The following SORCS3 variants were observed in gnomAD, a reference collection of about 807,000 sequenced individuals.
The protein encoded by SORCS3 is sortilin related VPS10 domain containing receptor 3, also known as VPS10 domain-containing receptor SorCS3.
In SORCS3, 57 loss-of-function variants were observed where a neutral mutation model predicts 146.3. That is an observed-to-expected ratio of 0.39 (90% CI 0.31 to 0.49). The LOEUF is 0.49. Ranked by LOEUF, SORCS3 falls within the 20% of genes least tolerant of loss-of-function variation. The pLI is 0.92. For synonymous variants in SORCS3, 653 were observed against 618.5 expected (o/e 1.06, Z -0.83); for missense variants, 1,341 against 1,575.5 (o/e 0.85, Z 2.52).
intron 3 of SORCS3, among the ~76,000 whole-genome samples, chr10:104,960,114 A>G (rs1367989131): frequency 6.6e-6 from 1 of 152,126 alleles, no homozygotes; most frequent in Admixed American, 6.6e-5. Context: ...ATGTGATACG[A>G]TACTTACTGG....
At chr10:105,069,465 T>C (rs909007237) in intron 5 of SORCS3, among the ~76,000 whole-genome samples, 15 of 152,240 alleles carry the variant, frequency 9.9e-5, no homozygotes, top group African/African-American at 3.1e-4. Flanking sequence ...CTAATGTCGA[T>C]AATAATGCCA....
intron 7 of SORCS3, among the ~76,000 whole-genome samples, chr10:105,122,004 C>T (rs983191780): frequency 2.6e-5 from 4 of 152,214 alleles, no homozygotes; most frequent in East Asian, 3.9e-4. Context: ...ACTGAGTCTC[C>T]CCATTTTCCT....
intron 5 of SORCS3, among the ~76,000 whole-genome samples, chr10:105,069,974 T>C (rs1314378645): frequency 6.6e-6 from 1 of 152,156 alleles, no homozygotes; most frequent in Non-Finnish European, 1.5e-5. Flanking sequence ...GTAATTATGA[T>C]ATCAGGCTGA....
At chr10:105,066,229 C>G (rs531434333) in intron 5 of SORCS3, among the ~76,000 whole-genome samples, 73 of 152,312 alleles carry the variant, frequency 4.8e-4, no homozygotes, top group Non-Finnish European at 8.4e-4. Context: ...CACGCCTTCC[C>G]CTGTCCCATC....
intron 4 of SORCS3, among the ~76,000 whole-genome samples, chr10:105,027,461 T>C (rs968270317): frequency 6.6e-6 from 1 of 152,224 alleles, no homozygotes; most frequent in African/African-American, 2.4e-5. Context: ...CAGCTACTGC[T>C]TCATGACACT....
chr10:104,723,492 G>A (rs1383758131), intron 1 of SORCS3, among the ~76,000 whole-genome samples: 1 of 152,088 alleles, frequency 6.6e-6, no homozygotes, highest in Non-Finnish European at 1.5e-5. Flanking sequence ...ATGTCTATTA[G>A]GTCTGCTTGA....
intron 1 of SORCS3, among the ~76,000 whole-genome samples, chr10:104,733,732 G>A (rs996996198): frequency 1.3e-5 from 2 of 152,010 alleles, no homozygotes; most frequent in East Asian, 3.9e-4. Flanking sequence ...TCCAAGTTTG[G>A]TGCTTTGCTG....
chr10:104,959,138 G>A (rs1305871850), intron 3 of SORCS3, among the ~76,000 whole-genome samples: 1 of 152,128 alleles, frequency 6.6e-6, no homozygotes. Context: ...TTGCAGATAG[G>A]TAAGATAATA....
chr10:104,751,955 AT>A (rs1564675432), intron 1 of SORCS3, among the ~76,000 whole-genome samples: 4,682 of 125,174 alleles, frequency 0.037, 252 homozygotes, highest in Admixed American at 0.046. Context: ...ATATATATAT[AT>A]ATATATATAT....
At chr10:105,166,562 T>G (rs1355831399) in intron 12 of SORCS3, among the ~76,000 whole-genome samples, 1 of 152,098 alleles carries the variant, frequency 6.6e-6, no homozygotes, top group African/African-American at 2.4e-5. Context: ...TATGGGTAGA[T>G]GGAGGGATGG....
intron 2 of SORCS3, among the ~76,000 whole-genome samples, chr10:104,910,276 A>C (rs556789216): frequency 5.3e-5 from 8 of 152,312 alleles, no homozygotes; most frequent in Admixed American, 4.6e-4. Flanking sequence ...GTCTCCTTGG[A>C]GAAGATGTTG....
intron 1 of SORCS3, among the ~76,000 whole-genome samples, chr10:104,675,354 G>T (rs1048142800): frequency 1.6e-4 from 25 of 152,076 alleles, no homozygotes; most frequent in Non-Finnish European, 3.4e-4. Flanking sequence ...TGACTTCTTT[G>T]TCAGATATAT....
At chr10:104,751,211 G>T (rs2016979551) in intron 1 of SORCS3, among the ~76,000 whole-genome samples, 2 of 152,100 alleles carry the variant, frequency 1.3e-5, no homozygotes, top group African/African-American at 4.8e-5. Flanking sequence ...TAAATTTGGG[G>T]TCAAAATAAG....
rs573562263 is a variant in SORCS3 at position 105,163,433 on chromosome 10, A to T, written c.1733-870A>T. 5.3e-5 allele frequency among the ~76,000 whole-genome samples: 8 copies of T among 152,338 alleles called. No homozygotes were observed. In the South Asian group the frequency reaches 1.7e-3, roughly 32 times the overall value. On this transcript the variant is annotated intron_variant, in intron 11 of 26. Transcript: ENST00000369701. The stretch of plus-strand genomic sequence containing the variant: ...AGAACTTCCTCAAGTGCACATCAAC[A>T]TTGGAACATGATCCAATCATTTGTT...
Position 104,696,360 on chromosome 10 carries a change from ATC to A in SORCS3, c.627+54407_627+54408del, listed in dbSNP as rs2016193611. Among the ~76,000 whole-genome samples, 10 of 64,584 alleles carry A rather than the reference ATC, an allele frequency of 1.5e-4. 5 individuals carry two copies. The highest frequency in any genetic ancestry group is 2.7e-4 in the Non-Finnish European group (10 of 36,656). The allele number at this position is 64,584 out of a possible 152,430, so 42.4% of individuals were successfully genotyped here. A position where few individuals can be genotyped will look rare whatever the true frequency, so the allele number is the denominator to read the frequency against. On this transcript the variant is annotated intron_variant, in intron 1 of 26. Transcript: ENST00000369701. ...GATATATGATATATATCATATATAT[ATC>A]ATATATAGTATATAATATATATTAT...
chr10:105,136,841 C>A (rs1482923720), intron 7 of SORCS3, among the ~76,000 whole-genome samples: 1 of 152,000 alleles, frequency 6.6e-6, no homozygotes, highest in African/African-American at 2.4e-5. Flanking sequence ...TCATATAGCC[C>A]CTTTATGTTT....
intron 4 of SORCS3, among the ~76,000 whole-genome samples, chr10:105,003,444 A>T (rs1034134537): frequency 6.6e-6 from 1 of 152,024 alleles, no homozygotes; most frequent in Non-Finnish European, 1.5e-5. Context: ...CATCTGTAAT[A>T]TGGGGATTGA....
At chr10:104,698,999 T>C (rs2016249672) in intron 1 of SORCS3, among the ~76,000 whole-genome samples, 1 of 152,082 alleles carries the variant, frequency 6.6e-6, no homozygotes, top group Non-Finnish European at 1.5e-5. Flanking sequence ...GCTCCAAAAA[T>C]TTGGGGTTCA....
intron 1 of SORCS3, among the ~76,000 whole-genome samples, chr10:104,784,170 C>G (rs1333854412): frequency 6.6e-6 from 1 of 152,194 alleles, no homozygotes; most frequent in Non-Finnish European, 1.5e-5. Flanking sequence ...TTCCCCAGAG[C>G]ATAGTTGGGA....
Sources: allele counts gnomAD v4.1 joint callset (sites outside exome capture counted in the v4.1 genomes callset), GRCh38; gene constraint gnomAD v4.1.1; transcripts MANE v1.5; gene names NCBI Gene and HGNC (gene_info 2026-07-23, HGNC 2026-07-21).